The following SGTB variants were observed in gnomAD, a reference collection of about 807,000 sequenced individuals.
The protein encoded by SGTB is small glutamine rich tetratricopeptide repeat co-chaperone beta.
In SGTB, 19 loss-of-function variants were observed where a neutral mutation model predicts 43.9. The observed-to-expected ratio is 0.43, with a 90% CI of 0.30 to 0.63. The LOEUF is 0.63. Among genes scored for constraint, SGTB ranks in the 30% least tolerant of loss-of-function variants. The pLI, the probability that SGTB is intolerant of heterozygous loss-of-function variation, is 0.12. For missense variants in SGTB, 304 were observed against 358.9 expected, an observed-to-expected ratio of 0.85 and a Z score of 1.24; for synonymous variants, 116 against 117.3, an observed-to-expected ratio of 0.99 and a Z score of 0.07.
intron 10 of SGTB, 60 bp downstream of exon 10, chr5:65,671,855 A>C: frequency 6.7e-7 from 1 of 1,485,318 alleles, no homozygotes; most frequent in Non-Finnish European, 9.3e-7. Context: ...CCCTCACCAT[A>C]GAGATAGGCT....
intron 4 of SGTB, among the ~76,000 whole-genome samples, chr5:65,708,179 A>G (rs1757971555): frequency 6.6e-6 from 1 of 152,248 alleles, no homozygotes; most frequent in Admixed American, 6.5e-5. Context: ...TCCTCTTTTT[A>G]AGTTAAAGAA....
Position 65,686,556 on chromosome 5 carries a change from G to A in SGTB, c.375-1084C>T, listed in dbSNP as rs1379932742. ...TCCTTTTTGTAGCAAACATGGTCTC[G>A]CTATATTGCCCAGGCAAGTCCTGAA... is the stretch of plus-strand genomic sequence containing the variant. On this transcript the variant is annotated intron_variant, in intron 5 of 10. Coordinates refer to ENST00000381007, the MANE Select transcript of SGTB (RefSeq NM_019072.3). 7.5e-5 allele frequency among the ~76,000 whole-genome samples: 11 copies of A among 147,248 alleles called. No individual in the cohort carries two copies. The Admixed American group carries it at 7.5e-4, about 10-fold the overall frequency.
At chr5:65,714,590 A>C (rs188553083) in intron 2 of SGTB, among the ~76,000 whole-genome samples, 1 of 152,190 alleles carries the variant, frequency 6.6e-6, no homozygotes, top group African/African-American at 2.4e-5. Flanking sequence ...TGAGGCAGGC[A>C]GATCACCTGA....
intron 5 of SGTB, among the ~76,000 whole-genome samples, chr5:65,702,876 T>C (rs184404384): frequency 2.0e-5 from 3 of 152,260 alleles, no homozygotes; most frequent in African/African-American, 7.2e-5. Context: ...TAGAACAATA[T>C]GAAAACAAAA....
chr5:65,667,586 C>T lies in SGTB; in HGVS notation c.*2660G>A, dbSNP rs377616311. 108 of 152,264 alleles carry T rather than the reference C, an allele frequency of 7.1e-4. No individual in the cohort carries two copies. Among genetic ancestry groups the T allele is most frequent in the African/African-American group, 2.6e-3 (107 of 41,554 alleles). 9.4% of individuals were successfully genotyped at this position (152,264 alleles called of 1,614,324 possible). A position where few individuals can be genotyped will look rare whatever the true frequency, so the allele number is the denominator to read the frequency against. ...CTGAGGGCCGAAGACTTAAATTGTG[C>T]TCTTTTTAAATTCTGCAGAACTATA... On this transcript the variant is annotated 3_prime_UTR_variant, in exon 11 of 11. Transcript: ENST00000381007.
At chr5:65,722,116 C>T (rs1196725995), upstream of SGTB, 2 of 181,928 alleles carry the variant, frequency 1.1e-5, no homozygotes, top group African/African-American at 2.4e-5. Flanking sequence ...GTCTGGCCAG[C>T]ACCGCCCCTG....
intron 3 of SGTB, among the ~76,000 whole-genome samples, chr5:65,710,263 C>A (rs1292992132): frequency 6.6e-6 from 1 of 152,060 alleles, no homozygotes; most frequent in Non-Finnish European, 1.5e-5. Context: ...TCCAATAAGC[C>A]TAGGCACTTT....
At chr5:65,719,263 T>G (rs532635444) in intron 2 of SGTB, among the ~76,000 whole-genome samples, 2 of 152,200 alleles carry the variant, frequency 1.3e-5, no homozygotes, top group African/African-American at 4.8e-5. Context: ...TGTCATTTAT[T>G]AAGTTCTTCC....
At chr5:65,686,002 C>G (rs1013789777) in intron 5 of SGTB, among the ~76,000 whole-genome samples, 1 of 152,172 alleles carries the variant, frequency 6.6e-6, no homozygotes, top group Non-Finnish European at 1.5e-5. Context: ...TGTCCCTCAT[C>G]AAAAGGTTGA....
Position 65,708,480 on chromosome 5 carries a change from A to T in SGTB, c.274+9T>A, listed in dbSNP as rs551183007. ...TACTAAGTAAGTCATTTTTGTATGAAATATTCACCTTCATCTTTTAATTGG... is the reference window on the plus strand; with the variant it reads ...TACTAAGTAAGTCATTTTTGTATGATATATTCACCTTCATCTTTTAATTGG... On this transcript the variant is annotated intron_variant, in intron 4 of 10. Transcript: ENST00000381007. 51 of 1,611,324 alleles carry T rather than the reference A, an allele frequency of 3.2e-5. No individual in the cohort carries two copies. The highest frequency in any genetic ancestry group is 4.1e-5 in the Non-Finnish European group (48 of 1,178,872).
At chr5:65,708,367 T>G in intron 4 of SGTB, 122 bp downstream of exon 4, 1 of 741,624 alleles carries the variant, frequency 1.3e-6, no homozygotes, top group Non-Finnish European at 2.1e-6. Flanking sequence ...GTTTCGTAAT[T>G]GCCATGTGCA....
rs1279443735 is a variant in SGTB, at chr5:65,713,043, G to A, written c.122C>T (p.Thr41Ile). 3 of 1,612,494 alleles carry A rather than the reference G, an allele frequency of 1.9e-6. No homozygotes were observed. Among genetic ancestry groups the A allele is most frequent in the Non-Finnish European group, 1.7e-6 (2 of 1,179,490 alleles). ...ATCTTCTGGGCTGATCTTAAAAACT[G>A]TCTCCAAGCACTGAATTGCAACTTG... The part of the protein sequence containing the change: ...SLEVAIQCLE[T>I]VFKISPEDTH... The change falls in exon 3 of 11, where the codon ACA becomes ATA. Residue 41 changes from threonine to isoleucine, a missense_variant. Thr to Ile is a moderately conservative substitution (Grantham distance 89). Transcript: ENST00000381007.
chr5:65,692,206 C>A (rs184317808), intron 5 of SGTB, among the ~76,000 whole-genome samples: 2 of 151,816 alleles, frequency 1.3e-5, no homozygotes, highest in Admixed American at 6.6e-5. Flanking sequence ...GTAAAGGAAA[C>A]GATAAAATTA....
intron 6 of SGTB, among the ~76,000 whole-genome samples, chr5:65,681,102 C>T (rs1001414430): frequency 2.0e-5 from 3 of 152,072 alleles, no homozygotes; most frequent in Non-Finnish European, 4.4e-5. Context: ...TTTATAAATG[C>T]CTAGACTAAG....
intron 5 of SGTB, among the ~76,000 whole-genome samples, chr5:65,687,943 AT>A (rs1286260230): frequency 6.6e-6 from 1 of 151,976 alleles, no homozygotes; most frequent in African/African-American, 2.4e-5. Context: ...TAATTTTCGT[AT>A]TTTTAGTAGA....
chr5:65,692,053 T>G (rs1250737952), intron 5 of SGTB, among the ~76,000 whole-genome samples: 1 of 152,052 alleles, frequency 6.6e-6, no homozygotes, highest in Non-Finnish European at 1.5e-5. Flanking sequence ...TAACTGATTA[T>G]AACATATTGA....
intron 5 of SGTB, among the ~76,000 whole-genome samples, chr5:65,696,326 G>A (rs183843876): frequency 6.6e-6 from 1 of 152,156 alleles, no homozygotes; most frequent in African/African-American, 2.4e-5. Flanking sequence ...CCTGAAGCAT[G>A]AGCTGACTAT....
chr5:65,702,811 T>A (rs1284092897), intron 5 of SGTB, among the ~76,000 whole-genome samples: 1 of 151,942 alleles, frequency 6.6e-6, no homozygotes, highest in Non-Finnish European at 1.5e-5. Flanking sequence ...AAAAAACAAA[T>A]AAAAATGGCC....
intron 6 of SGTB, among the ~76,000 whole-genome samples, chr5:65,683,409 T>C (rs1206982717): frequency 6.6e-6 from 1 of 152,126 alleles, no homozygotes; most frequent in Non-Finnish European, 1.5e-5. Context: ...ATTTAGCAAG[T>C]AGGCAAATTC....
Sources: allele counts gnomAD v4.1 joint callset (sites outside exome capture counted in the v4.1 genomes callset), GRCh38; gene constraint gnomAD v4.1.1; transcripts MANE v1.5; gene names NCBI Gene and HGNC (gene_info 2026-07-23, HGNC 2026-07-21).